CHRDL1: variants seen among roughly 807,000 people sequenced by gnomAD.
The protein encoded by CHRDL1 is chordin like 1, also known as chordin-like protein 1.
CHRDL1 carries 19 observed loss-of-function variants against 40.9 expected under a neutral mutation model. That is an observed-to-expected ratio of 0.46 (90% CI 0.32 to 0.68). The LOEUF (loss-of-function observed/expected upper bound fraction) is 0.68. Among genes scored for constraint, CHRDL1 ranks in the 30% least tolerant of loss-of-function variants. CHRDL1 has a pLI of 0.03. For synonymous variants in CHRDL1, 136 were observed against 123.4 expected (o/e 1.10, Z -0.68); for missense variants, 329 against 352.1 (o/e 0.93, Z 0.53).
chrX:110,679,322 G>A lies in CHRDL1; in HGVS notation c.1246+14C>T, dbSNP rs778257141. On this transcript the variant is annotated intron_variant, in intron 11 of 11. Transcript: ENST00000372042. ...TGTGTTTTTCAGGGAGCAGTCAAGA[G>A]AAGTACTACTTACTCAGGGTTGTTC... 2 of 1,134,539 alleles carry A rather than the reference G, an allele frequency of 1.8e-6. No homozygotes were observed. Among genetic ancestry groups the A allele is most frequent in the South Asian group, 3.6e-5 (2 of 55,167 alleles). 93.5% of individuals were successfully genotyped at this position (1,134,539 alleles called of 1,213,427 possible).
chrX:110,690,310 A>G (rs1173881623), intron 8 of CHRDL1, among the ~76,000 whole-genome samples: 1 of 106,821 alleles, frequency 9.4e-6, no homozygotes, highest in Non-Finnish European at 1.9e-5. Flanking sequence ...GGCCTCCCAA[A>G]GTGCTTGGAT....
At chrX:110,780,027 T>C (rs1433940293) in intron 2 of CHRDL1, among the ~76,000 whole-genome samples, 1 of 111,778 alleles carries the variant, frequency 8.9e-6, no homozygotes, top group Non-Finnish European at 1.9e-5. Context: ...TAACTTTGTA[T>C]ACTTCAACCT....
intron 2 of CHRDL1, among the ~76,000 whole-genome samples, chrX:110,791,417 AG>A (rs1359739925): frequency 1.8e-5 from 2 of 111,586 alleles, no homozygotes; most frequent in Non-Finnish European, 3.8e-5. Context: ...GGCAGCAAGG[AG>A]GGTTAATTAT....
At chrX:110,708,306 A>T (rs1015338912) in intron 6 of CHRDL1, among the ~76,000 whole-genome samples, 1 of 111,031 alleles carries the variant, frequency 9.0e-6, no homozygotes, top group Non-Finnish European at 1.9e-5. Context: ...TACCCAAAGG[A>T]TTATAAATCA....
chrX:110,709,991 C>G (rs986353679), intron 6 of CHRDL1, among the ~76,000 whole-genome samples: 2 of 110,511 alleles, frequency 1.8e-5, no homozygotes, highest in Non-Finnish European at 3.8e-5. Flanking sequence ...AACAGAGACT[C>G]TGTCTTAAAA....
At position 110,793,369 on chromosome X, in the gene CHRDL1, G is replaced by A. The variant is rs191223119; in HGVS notation, c.-34-1154C>T. On this transcript the variant is annotated intron_variant, in intron 1 of 11. Coordinates refer to ENST00000372042, the MANE Select transcript of CHRDL1 (RefSeq NM_001143981.2). ...AATGCATAACCAAGGAAGAACTGAT[G>A]ATAGAGTAATCTGTGCTATCAAACA... Among the ~76,000 whole-genome samples, 22 of 112,017 alleles carry A rather than the reference G, an allele frequency of 2.0e-4. No individual in the cohort carries two copies. The South Asian group carries it at 6.8e-3, about 35-fold the overall frequency.
At chrX:110,734,596 T>C (rs1342425459) in intron 4 of CHRDL1, among the ~76,000 whole-genome samples, 3 of 112,030 alleles carry the variant, frequency 2.7e-5, no homozygotes, top group Non-Finnish European at 5.6e-5. Context: ...ACACTGCTAT[T>C]TAGTGCCAAA....
chrX:110,759,587 T>G, intron 4 of CHRDL1, 74 bp downstream of exon 4: 1 of 728,955 alleles, frequency 1.4e-6, no homozygotes, highest in Non-Finnish European at 2.2e-6. Flanking sequence ...TGGGGAATTA[T>G]GGAGATGAGT....
chrX:110,749,631 G>A (rs906437469), intron 4 of CHRDL1, among the ~76,000 whole-genome samples: 2 of 111,348 alleles, frequency 1.8e-5, no homozygotes, highest in Middle Eastern at 4.2e-3. Context: ...GTGAGGAGGC[G>A]GATTTTGGAA....
intron 4 of CHRDL1, among the ~76,000 whole-genome samples, chrX:110,751,396 A>C (rs901278053): frequency 8.9e-6 from 1 of 112,209 alleles, no homozygotes; most frequent in African/African-American, 3.2e-5. Context: ...AGTGCCTCCA[A>C]AAAATGGGTA....
intron 8 of CHRDL1, among the ~76,000 whole-genome samples, chrX:110,693,285 C>T (rs1415780864): frequency 2.7e-5 from 3 of 111,671 alleles, no homozygotes; most frequent in African/African-American, 9.8e-5. Flanking sequence ...CAGTCTTAAC[C>T]TGATCAGTCT....
rs184584557 is a variant in CHRDL1 at position 110,684,312 on chromosome X, C to T, written c.989-2663G>A. Among the ~76,000 whole-genome samples, 100 of 112,184 alleles carry T rather than the reference C, an allele frequency of 8.9e-4. 1 individual carries two copies. The East Asian group carries it at 0.023, about 26-fold the overall frequency. ...AGTGAATTTTATTTATCTCTTTTCC[C>T]TTTTCAACATAACTGAATTTACCAT... On this transcript the variant is annotated intron_variant, in intron 9 of 11. Transcript: ENST00000372042.
intron 7 of CHRDL1, among the ~76,000 whole-genome samples, chrX:110,695,798 G>A (rs1182513620): frequency 8.9e-6 from 1 of 112,131 alleles, no homozygotes; most frequent in African/African-American, 3.3e-5. Context: ...GCAGGAAGGG[G>A]CCACTGGTAG....
At chrX:110,756,674 C>T (rs904650679) in intron 4 of CHRDL1, among the ~76,000 whole-genome samples, 6 of 109,269 alleles carry the variant, frequency 5.5e-5, no homozygotes, top group Non-Finnish European at 1.1e-4. Flanking sequence ...CAAAGAAGGG[C>T]TCATGTAAGA....
intron 4 of CHRDL1, among the ~76,000 whole-genome samples, chrX:110,755,815 C>A (rs1221546373): frequency 8.9e-6 from 1 of 111,746 alleles, no homozygotes; most frequent in Admixed American, 9.5e-5. Flanking sequence ...GCATGAGTTT[C>A]CTCATGCCTA....
intron 6 of CHRDL1, among the ~76,000 whole-genome samples, chrX:110,711,040 AAAT>A (rs761039157): frequency 2.1e-3 from 232 of 111,821 alleles, no homozygotes; most frequent in African/African-American, 7.0e-3. Flanking sequence ...CATATACTTT[AAAT>A]AATCTCTAGA....
intron 6 of CHRDL1, among the ~76,000 whole-genome samples, chrX:110,705,304 T>TATATATATACACAC (rs1491498596): frequency 7.6e-4 from 59 of 77,587 alleles, no homozygotes; most frequent in African/African-American, 2.8e-3. Flanking sequence ...TATATATATA[T>TATATATATACACAC]ACACACACAC....
At position 110,685,065 on chromosome X, in the gene CHRDL1, T is replaced by C. The variant is rs1179503310; in HGVS notation, c.989-3416A>G. 2.7e-5 allele frequency among the ~76,000 whole-genome samples: 3 copies of C among 112,230 alleles called. No homozygotes were observed. The Admixed American group carries it at 2.8e-4, about 11-fold the overall frequency. The stretch of plus-strand genomic sequence containing the variant: ...TACTGGAGGGCAGTTTTTTACATGA[T>C]AAATTTTATTATGTTTTCTAAATAC... On this transcript the variant is annotated intron_variant, in intron 9 of 11. Transcript: ENST00000372042.
Position 110,700,585 on chromosome X carries a change from A to C in CHRDL1, c.609+69T>G, listed in dbSNP as rs1171601445. ...TTTTTTTTGGATTTGCTAGAATAGT[A>C]GCCACGAGGAGAGGAAAGCTTGGCC... On this transcript the variant is annotated intron_variant, in intron 7 of 11. Coordinates refer to ENST00000372042, the MANE Select transcript of CHRDL1 (RefSeq NM_001143981.2). The C allele has an allele frequency of 4.2e-6, 3 of 719,746 alleles. No individual in the cohort carries two copies. In the East Asian group the frequency reaches 9.6e-5, roughly 23 times the overall value. The allele number at this position is 719,746 out of a possible 1,213,427, so 59.3% of individuals were successfully genotyped here.
Sources: allele counts gnomAD v4.1 joint callset (sites outside exome capture counted in the v4.1 genomes callset), GRCh38; gene constraint gnomAD v4.1.1; transcripts MANE v1.5; gene names NCBI Gene and HGNC (gene_info 2026-07-23, HGNC 2026-07-21).